Variants in UIMC1 observed in about 807,000 individuals in gnomAD.
UIMC1 encodes BRCA1-A complex subunit RAP80.
In UIMC1, 42 loss-of-function variants were observed where a neutral mutation model predicts 84.9. That is an observed-to-expected ratio of 0.49 (90% CI 0.39 to 0.64). The LOEUF (loss-of-function observed/expected upper bound fraction) is 0.64, where lower values mean the gene tolerates loss of function less well. Among genes scored for constraint, UIMC1 ranks in the 30% least tolerant of loss-of-function variants. The pLI, the probability that UIMC1 is intolerant of heterozygous loss-of-function variation, is 0.00. For synonymous variants in UIMC1, 281 were observed against 293.0 expected, an observed-to-expected ratio of 0.96 and a Z score of 0.42; for missense variants, 825 against 847.6, an observed-to-expected ratio of 0.97 and a Z score of 0.33.
At chr5:176,992,138 TTAATAC>T (rs1772960503) in intron 1 of UIMC1, among the ~76,000 whole-genome samples, 1 of 152,124 alleles carries the variant, frequency 6.6e-6, no homozygotes, top group South Asian at 2.1e-4. Flanking sequence ...AAGAGATAGA[TTAATAC>T]TTAGAGAACT....
chr5:177,012,106 A>G (rs898622189), intron 1 of UIMC1, among the ~76,000 whole-genome samples: 1 of 151,728 alleles, frequency 6.6e-6, no homozygotes, highest in Non-Finnish European at 1.5e-5. Context: ...TGCTAGGGAG[A>G]TTTTCTACAT....
At chr5:176,965,181 G>A (rs1353925655) in intron 6 of UIMC1, among the ~76,000 whole-genome samples, 1 of 152,040 alleles carries the variant, frequency 6.6e-6, no homozygotes, top group Admixed American at 6.6e-5. Context: ...CAGCACTTTC[G>A]GAGGCCAAGG....
Position 176,968,994 on chromosome 5 carries a change from G to A in UIMC1, c.761C>T (p.Ser254Phe), listed in dbSNP as rs1254287997. 11 of 1,614,214 alleles carry A rather than the reference G, an allele frequency of 6.8e-6. No homozygotes were observed. The highest frequency in any genetic ancestry group is 1.7e-5 in the Admixed American group (1 of 60,018). Residue 254 changes from serine to phenylalanine, a missense_variant, in exon 6 of 15, where the codon TCT becomes TTT. Coordinates refer to ENST00000511320, the MANE Select transcript of UIMC1 (RefSeq NM_001199298.2). Reference protein sequence around the residue: ...LKAVQGSGDTSRHCLPTLADA... With the variant: ...LKAVQGSGDTFRHCLPTLADA... ...TGCTAGGGTAGGTAGACAGTGCCTA[G>A]ATGTGTCCCCGCTACCCTGGACAGC...
intron 1 of UIMC1, among the ~76,000 whole-genome samples, chr5:176,988,993 T>C (rs1388769160): frequency 5.9e-5 from 9 of 152,038 alleles, no homozygotes; most frequent in Non-Finnish European, 2.9e-5. Context: ...TTAGGTGAAT[T>C]TTACCTCAAT....
Position 176,908,549 on chromosome 5 carries a change from A to T in UIMC1, c.1822T>A (p.Trp608Arg). ...GRACSTVEGK[W>R]QQRLKNPKEK... ...TTTGGGTTCTTCAGCCTCTGCTGCC[A>T]CTTCCCCTCCACAGTTGAACATGCT... The change falls in exon 12 of 15, where the codon TGG becomes AGG. Residue 608 changes from tryptophan (W) to arginine (R), a missense_variant. Physicochemically the swap from Trp to Arg is moderately radical, Grantham distance 101. Transcript: ENST00000511320. 1 of 1,613,950 alleles carries T rather than the reference A, an allele frequency of 6.2e-7. No homozygotes were observed. Among genetic ancestry groups the T allele is most frequent in the South Asian group, 1.1e-5 (1 of 91,062 alleles).
At chr5:176,961,963 G>A (rs1767529895) in intron 6 of UIMC1, among the ~76,000 whole-genome samples, 2 of 65,806 alleles carry the variant, frequency 3.0e-5, no homozygotes, top group African/African-American at 6.8e-5. Context: ...CCCCCCGCCC[G>A]GCCAGCCGCC....
intron 10 of UIMC1, among the ~76,000 whole-genome samples, chr5:176,925,294 A>T (rs893541629): frequency 6.6e-6 from 1 of 152,358 alleles, no homozygotes; most frequent in East Asian, 1.9e-4. Flanking sequence ...GAATCATTAC[A>T]TGACTACCAG....
intron 1 of UIMC1, among the ~76,000 whole-genome samples, chr5:176,999,108 T>C (rs1382216420): frequency 6.6e-6 from 1 of 152,114 alleles, no homozygotes; most frequent in Non-Finnish European, 1.5e-5. Flanking sequence ...GGGAGATAAC[T>C]TGTGCCCGTG....
chr5:177,007,475 G>A (rs1033098914), upstream of UIMC1, among the ~76,000 whole-genome samples: 7 of 151,922 alleles, frequency 4.6e-5, no homozygotes, highest in Non-Finnish European at 1.0e-4. Context: ...AATAAGTCTC[G>A]CATAAATAAA....
At chr5:176,932,859 T>C (rs979419573) in intron 10 of UIMC1, among the ~76,000 whole-genome samples, 3 of 94,226 alleles carry the variant, frequency 3.2e-5, no homozygotes, top group Admixed American at 2.9e-4. Context: ...ATAGCAATGC[T>C]TTTTTTTTTT....
At chr5:176,991,440 G>C (rs2149521825) in intron 1 of UIMC1, among the ~76,000 whole-genome samples, 1 of 152,042 alleles carries the variant, frequency 6.6e-6, no homozygotes, top group Non-Finnish European at 1.5e-5. Context: ...ATGAAATCTG[G>C]CAAATTGAGA....
In UIMC1 at chr5:176,963,162, A is replaced by T. The variant is rs1370592705; in HGVS notation, c.1201-5008T>A. 9.8e-3 allele frequency among the ~76,000 whole-genome samples: 133 copies of T among 13,522 alleles called. 21 individuals are homozygous for T. The highest frequency in any genetic ancestry group is 0.045 in the Middle Eastern group (1 of 22). The allele number at this position is 13,522 out of a possible 152,430, so 8.9% of individuals were successfully genotyped here. On this transcript the variant is annotated intron_variant, in intron 6 of 14. Transcript: ENST00000511320. Reference sequence around the variant, plus strand: ...TTATCAATAAAAAAATAAATTAAAAAAAAAAAAAAAAAAAAAAAAAAAAAA... The same window carrying T: ...TTATCAATAAAAAAATAAATTAAAATAAAAAAAAAAAAAAAAAAAAAAAAA...
intron 1 of UIMC1, among the ~76,000 whole-genome samples, chr5:176,988,448 A>G (rs1240207984): frequency 2.6e-5 from 4 of 152,188 alleles, no homozygotes; most frequent in African/African-American, 9.7e-5. Context: ...GATTCTATTT[A>G]TAAGAAACAT....
intron 10 of UIMC1, among the ~76,000 whole-genome samples, chr5:176,941,001 T>C (rs1764352280): frequency 6.6e-6 from 1 of 152,194 alleles, no homozygotes; most frequent in Non-Finnish European, 1.5e-5. Flanking sequence ...AGAGCCTACC[T>C]TACTGTCACC....
intron 1 of UIMC1, among the ~76,000 whole-genome samples, chr5:176,991,165 G>A (rs1240553457): frequency 3.3e-5 from 5 of 151,400 alleles, no homozygotes; most frequent in East Asian, 1.9e-4. Context: ...CCGCCACCAC[G>A]CCCGGCTAAT....
At chr5:176,959,770 G>T (rs189605544) in intron 6 of UIMC1, among the ~76,000 whole-genome samples, 5 of 150,492 alleles carry the variant, frequency 3.3e-5, no homozygotes, top group African/African-American at 1.2e-4. Context: ...GGTGGCTCAC[G>T]CCTGTAATCC....
intron 6 of UIMC1, among the ~76,000 whole-genome samples, chr5:176,958,771 G>A (rs1766932136): frequency 6.6e-6 from 1 of 152,150 alleles, no homozygotes; most frequent in South Asian, 2.1e-4. Flanking sequence ...AATGAATAGG[G>A]ACTACATAAG....
At chr5:176,941,274 G>A (rs935728231) in intron 10 of UIMC1, among the ~76,000 whole-genome samples, 3 of 151,996 alleles carry the variant, frequency 2.0e-5, no homozygotes, top group African/African-American at 7.3e-5. Flanking sequence ...CCTCAACTAC[G>A]TCAAAAATTT....
intron 8 of UIMC1, among the ~76,000 whole-genome samples, chr5:176,952,011 T>C (rs554260972): frequency 6.6e-6 from 1 of 152,338 alleles, no homozygotes; most frequent in African/African-American, 2.4e-5. Context: ...ATGTCTTTTG[T>C]GTCCAGCTTC....
Sources: gnomAD v4.1 joint callset for allele counts (sites outside exome capture counted in the v4.1 genomes callset) on GRCh38, gnomAD v4.1.1 for gene constraint, MANE v1.5 for transcripts, NCBI Gene and HGNC (gene_info 2026-07-23, HGNC 2026-07-21) for gene names.